The following PCDH7 variants were observed in gnomAD, a reference collection of about 807,000 sequenced individuals.
PCDH7 encodes protocadherin-7.
In PCDH7, 17 loss-of-function variants were observed where a neutral mutation model predicts 58.9. The observed-to-expected ratio is 0.29, with a 90% CI of 0.20 to 0.43. The LOEUF is 0.43. PCDH7 is among the 20% of genes least tolerant of loss of function. The probability of loss-of-function intolerance (pLI) is 1.00; values close to 1 mark genes in which losing one functional copy is unlikely to be tolerated. For missense variants in PCDH7, 1,274 were observed against 1,441.0 expected (o/e 0.88, Z 1.88); for synonymous variants, 664 against 616.4 (o/e 1.08, Z -1.14).
intron 3 of PCDH7, among the ~76,000 whole-genome samples, chr4:31,013,470 CATATATA>C (rs1753360739): frequency 1.3e-5 from 2 of 149,448 alleles, no homozygotes; most frequent in African/African-American, 4.9e-5. Flanking sequence ...ATAATATGTG[CATATATA>C]ATATATAATA....
At chr4:30,973,108 A>G (rs1308088052) in intron 3 of PCDH7, among the ~76,000 whole-genome samples, 2 of 152,248 alleles carry the variant, frequency 1.3e-5, no homozygotes, top group Non-Finnish European at 2.9e-5. Context: ...TAAATTCTTA[A>G]TAAGTTTGCC....
intron 3 of PCDH7, among the ~76,000 whole-genome samples, chr4:31,124,079 G>A (rs1578860571): frequency 6.6e-6 from 1 of 152,086 alleles, no homozygotes. Flanking sequence ...GGCCAGGGTG[G>A]TTTTGGAAAA....
chr4:30,949,391 A>C lies in PCDH7; in HGVS notation c.288-729A>C, dbSNP rs572722929. Among the ~76,000 whole-genome samples, 75 of 152,286 alleles carry C rather than the reference A, an allele frequency of 4.9e-4. 1 individual carries two copies. In the South Asian group the frequency reaches 0.011, roughly 22 times the overall value. Reference sequence around the variant, plus strand: ...TAGTATTGCAGAGGTTATTAAAACAACTAATCTTTATTAAAATTCAAATAA... The same window carrying C: ...TAGTATTGCAGAGGTTATTAAAACACCTAATCTTTATTAAAATTCAAATAA... On this transcript the variant is annotated intron_variant, in intron 2 of 3. Coordinates refer to the PCDH7 transcript ENST00000509759.
At chr4:30,914,267 C>G (rs1742134407) in intron 1 of PCDH7, among the ~76,000 whole-genome samples, 1 of 152,138 alleles carries the variant, frequency 6.6e-6, no homozygotes. Context: ...ATGGTACGTA[C>G]AATGCTGCAG....
intron 1 of PCDH7, among the ~76,000 whole-genome samples, chr4:30,808,482 T>A (rs942355578): frequency 2.0e-5 from 3 of 152,216 alleles, no homozygotes; most frequent in African/African-American, 7.2e-5. Flanking sequence ...CCATCTGGCA[T>A]CCTTTCCCTC....
intron 1 of PCDH7, among the ~76,000 whole-genome samples, chr4:30,805,380 G>A (rs1191553853): frequency 6.6e-6 from 1 of 152,116 alleles, no homozygotes; most frequent in Non-Finnish European, 1.5e-5. Context: ...CTTAATGTCT[G>A]TACTTTAGTT....
intron 3 of PCDH7, among the ~76,000 whole-genome samples, chr4:30,977,924 G>A (rs890774739): frequency 6.6e-6 from 1 of 152,116 alleles, no homozygotes; most frequent in Non-Finnish European, 1.5e-5. Context: ...GGTGGAGAGC[G>A]TTGCGTATAT....
chr4:30,754,492 T>C (rs1355706849), intron 1 of PCDH7, among the ~76,000 whole-genome samples: 2 of 152,128 alleles, frequency 1.3e-5, no homozygotes, highest in South Asian at 2.1e-4. Flanking sequence ...AGGTCCTAAA[T>C]TGTAAGTCCT....
intron 3 of PCDH7, among the ~76,000 whole-genome samples, chr4:31,034,273 AG>A (rs1755199105): frequency 6.6e-6 from 1 of 152,110 alleles, no homozygotes; most frequent in African/African-American, 2.4e-5. Context: ...TTGGCTTCAG[AG>A]GCATATTAAA....
intron 3 of PCDH7, among the ~76,000 whole-genome samples, chr4:31,094,444 T>C (rs966958617): frequency 1.2e-4 from 18 of 152,044 alleles, no homozygotes; most frequent in Admixed American, 1.1e-3. Flanking sequence ...ACAAAGCATA[T>C]CTTAAAGACT....
At chr4:30,866,697 CAAA>C (rs201849602) in intron 1 of PCDH7, among the ~76,000 whole-genome samples, 1 of 127,846 alleles carries the variant, frequency 7.8e-6, no homozygotes. Context: ...GAATCTCTGG[CAAA>C]AAAAAAAAAA....
intron 3 of PCDH7, among the ~76,000 whole-genome samples, chr4:31,105,150 T>C (rs1715388780): frequency 6.6e-6 from 1 of 152,244 alleles, no homozygotes; most frequent in African/African-American, 2.4e-5. Context: ...ACTGATGTGT[T>C]CATTCTCACT....
At chr4:31,084,697 AG>A (rs1274491103) in intron 3 of PCDH7, among the ~76,000 whole-genome samples, 104 of 99,276 alleles carry the variant, frequency 1.0e-3, no homozygotes, top group East Asian at 1.6e-3. Context: ...AGGGGAGGGA[AG>A]GGGAAAAGGG....
At chr4:30,915,591 TC>T (rs1742343097) in intron 1 of PCDH7, among the ~76,000 whole-genome samples, 1 of 152,124 alleles carries the variant, frequency 6.6e-6, no homozygotes, top group African/African-American at 2.4e-5. Context: ...TGGCGCGATC[TC>T]GGCTCACTGC....
intron 1 of PCDH7, among the ~76,000 whole-genome samples, chr4:30,747,544 C>T (rs1174965870): frequency 6.6e-6 from 1 of 152,130 alleles, no homozygotes; most frequent in Non-Finnish European, 1.5e-5. Flanking sequence ...CTCTTGATCC[C>T]CTTCCATCTT....
chr4:31,142,881 A>T, exon 4 of PCDH7: 1 of 1,327,610 alleles, frequency 7.5e-7, no homozygotes, highest in Non-Finnish European at 9.9e-7. Flanking sequence ...AGTTCTTTAC[A>T]TGTATGAAAA....
intron 3 of PCDH7, among the ~76,000 whole-genome samples, chr4:31,064,341 A>G (rs941141031): frequency 2.0e-5 from 3 of 152,016 alleles, no homozygotes; most frequent in South Asian, 2.1e-4. Flanking sequence ...ATGCGTTGTC[A>G]TTGTGTTCTA....
At chr4:30,734,302 G>C (rs1405017591), downstream of PCDH7, among the ~76,000 whole-genome samples, 1 of 151,322 alleles carries the variant, frequency 6.6e-6, no homozygotes, top group Non-Finnish European at 1.5e-5. Flanking sequence ...GCACAGTCAC[G>C]GCTCACTGCA....
intron 3 of PCDH7, among the ~76,000 whole-genome samples, chr4:31,079,263 GAAA>G (rs964027447): frequency 9.6e-6 from 1 of 103,858 alleles, no homozygotes; most frequent in East Asian, 3.7e-4. Flanking sequence ...TAAACCAAGT[GAAA>G]AAAAAATGCC....
Sources: allele counts gnomAD v4.1 joint callset (sites outside exome capture counted in the v4.1 genomes callset), GRCh38; gene constraint gnomAD v4.1.1; transcripts MANE v1.5; gene names NCBI Gene and HGNC (gene_info 2026-07-23, HGNC 2026-07-21).